The following ZNRF1 variants were observed in gnomAD, a reference collection of about 807,000 sequenced individuals.
ZNRF1 encodes E3 ubiquitin-protein ligase ZNRF1.
In ZNRF1, 3 loss-of-function variants were observed where a neutral mutation model predicts 18.4. The ratio of observed to expected loss-of-function variants is 0.16; its 90% CI spans 0.07 to 0.42. ZNRF1 has a LOEUF of 0.42. ZNRF1 is among the 10% of genes least tolerant of loss of function. The pLI, the probability that ZNRF1 is intolerant of heterozygous loss-of-function variation, is 0.99. For synonymous variants in ZNRF1, 157 were observed against 144.2 expected (o/e 1.09, Z -0.64); for missense variants, 310 against 329.8 (o/e 0.94, Z 0.47).
At chr16:75,083,048 T>C (rs942501686) in intron 1 of ZNRF1, among the ~76,000 whole-genome samples, 6 of 152,234 alleles carry the variant, frequency 3.9e-5, no homozygotes, top group African/African-American at 9.6e-5. Context: ...TGAAAAAAAT[T>C]GTTGGCAGCT....
intron 1 of ZNRF1, among the ~76,000 whole-genome samples, chr16:75,054,173 G>A (rs749432102): frequency 6.6e-6 from 1 of 152,238 alleles, no homozygotes; most frequent in Non-Finnish European, 1.5e-5. Flanking sequence ...TCATCCTGCT[G>A]TGTTTCAACA....
intron 1 of ZNRF1, among the ~76,000 whole-genome samples, chr16:75,022,259 A>T (rs1362997457): frequency 1.3e-5 from 2 of 151,156 alleles, no homozygotes; most frequent in African/African-American, 2.4e-5. Flanking sequence ...TGTCTCAAAA[A>T]TTTTTTTAAA....
intron 1 of ZNRF1, among the ~76,000 whole-genome samples, chr16:75,031,111 C>A (rs375409763): frequency 1.3e-5 from 2 of 151,228 alleles, no homozygotes; most frequent in East Asian, 1.9e-4. Context: ...GCTAGGATTA[C>A]AGGCGTGAGC....
chr16:75,039,156 A>G (rs901442399), intron 1 of ZNRF1, among the ~76,000 whole-genome samples: 8 of 152,236 alleles, frequency 5.3e-5, no homozygotes, highest in African/African-American at 1.9e-4. Context: ...TGTTAAAAAT[A>G]TAGAAAAAAT....
At chr16:75,056,279 G>A (rs560813331) in intron 1 of ZNRF1, among the ~76,000 whole-genome samples, 1 of 152,216 alleles carries the variant, frequency 6.6e-6, no homozygotes, top group South Asian at 2.1e-4. Flanking sequence ...CCTAGTGACT[G>A]TGTGTTCATT....
At chr16:75,078,185 T>G (rs1311678516) in intron 1 of ZNRF1, among the ~76,000 whole-genome samples, 1 of 152,120 alleles carries the variant, frequency 6.6e-6, no homozygotes, top group Non-Finnish European at 1.5e-5. Flanking sequence ...ACATAACTTG[T>G]GCGTGGAGAA....
intron 1 of ZNRF1, among the ~76,000 whole-genome samples, chr16:75,057,131 C>T (rs1182016791): frequency 6.6e-6 from 1 of 152,168 alleles, no homozygotes; most frequent in African/African-American, 2.4e-5. Context: ...GGGTTTCTCT[C>T]ATTCAGAATC....
At position 75,006,758 on chromosome 16, in the gene ZNRF1, G is replaced by T. The variant is rs112359306; in HGVS notation, c.424+6663G>T. Among the ~76,000 whole-genome samples the T allele has an allele frequency of 3.4e-3, 523 of 152,222 alleles. 3 individuals are homozygous for T. The highest frequency in any genetic ancestry group is 7.3e-3 in the South Asian group (35 of 4,820). ...GCCACCTCAGTCTTTTAGGATGATG[G>T]GTGAATATAAATTTCAGTCTGTTTC... On this transcript the variant is annotated intron_variant, in intron 1 of 4. Coordinates refer to ENST00000335325, the MANE Select transcript of ZNRF1 (RefSeq NM_032268.5).
chr16:75,067,208 G>T (rs996012579), intron 1 of ZNRF1, among the ~76,000 whole-genome samples: 4 of 152,156 alleles, frequency 2.6e-5, no homozygotes, highest in African/African-American at 9.7e-5. Flanking sequence ...TTGACTCAGG[G>T]CTCCCACAGC....
intron 1 of ZNRF1, among the ~76,000 whole-genome samples, chr16:75,033,848 G>A (rs1207201531): frequency 6.6e-6 from 1 of 152,094 alleles, no homozygotes; most frequent in South Asian, 2.1e-4. Flanking sequence ...AATACACTTA[G>A]CATAAAAATT....
intron 1 of ZNRF1, among the ~76,000 whole-genome samples, chr16:75,061,650 T>G (rs961346962): frequency 1.3e-5 from 2 of 152,238 alleles, no homozygotes; most frequent in Admixed American, 1.3e-4. Flanking sequence ...ACAGCTCTGA[T>G]ATTTTTGCCA....
chr16:75,043,815 G>GTTTT (rs2035481016), intron 1 of ZNRF1, among the ~76,000 whole-genome samples: 3 of 9,618 alleles, frequency 3.1e-4, no homozygotes, highest in African/African-American at 6.1e-4. Context: ...TTGAGACAGA[G>GTTTT]TTTTGTTCTT....
At chr16:75,105,620 G>C (rs2036306299) in intron 3 of ZNRF1, 1 of 152,472 alleles carries the variant, frequency 6.6e-6, no homozygotes, top group South Asian at 2.1e-4. Flanking sequence ...TGTGGCTGGT[G>C]CAGAGGAGGC....
intron 1 of ZNRF1, among the ~76,000 whole-genome samples, chr16:75,068,502 T>C (rs975424984): frequency 2.6e-5 from 4 of 152,204 alleles, no homozygotes; most frequent in Non-Finnish European, 4.4e-5. Flanking sequence ...GATCCATATC[T>C]ACTGCTCCTT....
Position 75,108,868 on chromosome 16 carries a change from G to A in ZNRF1, c.*1168G>A, listed in dbSNP as rs2036347464. ...GGTCCTCAGATAGTCAGGCCTGGGT[G>A]GAGGGAGTGGCAAGTCAGGCGTGCC... On this transcript the variant is annotated 3_prime_UTR_variant, in exon 5 of 5. Transcript: ENST00000335325. 2 of 289,498 alleles carry A rather than the reference G, an allele frequency of 6.9e-6. No homozygotes were observed. Among genetic ancestry groups the A allele is most frequent in the Non-Finnish European group, 1.3e-5 (2 of 159,526 alleles). The allele number at this position is 289,498 out of a possible 1,614,324, so 17.9% of individuals were successfully genotyped here.
chr16:75,099,700 G>A (rs1195860722), intron 2 of ZNRF1, among the ~76,000 whole-genome samples: 2 of 152,210 alleles, frequency 1.3e-5, no homozygotes, highest in African/African-American at 4.8e-5. Flanking sequence ...GGAGATACCA[G>A]GGGACATTTG....
Position 75,050,596 on chromosome 16 carries a change from C to T in ZNRF1, c.425-42976C>T, listed in dbSNP as rs1005662240. On this transcript the variant is annotated intron_variant, in intron 1 of 4. Transcript: ENST00000335325. ...TAAAAATACTTGTAGCCGCCGGGCA[C>T]GGTGGCTCACGCCTGTAATCCCAGC... Among the ~76,000 whole-genome samples the T allele has an allele frequency of 2.0e-5, 3 of 151,660 alleles. No individual in the cohort carries two copies. In the South Asian group the frequency reaches 6.2e-4, roughly 32 times the overall value.
chr16:74,999,778 A>G lies in ZNRF1; in HGVS notation c.107A>G (p.His36Arg), dbSNP rs1199542980. ...CCGGGAGGGGCGCCCCATTTCGGGCACTACCGGACGGGCGGCGGGGCCATG... is the reference window on the plus strand; with the variant it reads ...CCGGGAGGGGCGCCCCATTTCGGGCGCTACCGGACGGGCGGCGGGGCCATG... ...PPPGGAPHFG[H>R]YRTGGGAMGL... Residue 36 changes from histidine to arginine, a missense_variant, in exon 1 of 5, where the codon CAC becomes CGC. Transcript: ENST00000335325. 2 of 1,400,898 alleles carry G rather than the reference A, an allele frequency of 1.4e-6. No homozygotes were observed. Among genetic ancestry groups the G allele is most frequent in the African/African-American group, 1.5e-5 (1 of 65,406 alleles). 86.8% of individuals were successfully genotyped at this position (1,400,898 alleles called of 1,614,324 possible).
intron 1 of ZNRF1, among the ~76,000 whole-genome samples, chr16:75,069,443 T>G (rs1001554078): frequency 6.6e-6 from 1 of 152,190 alleles, no homozygotes; most frequent in Non-Finnish European, 1.5e-5. Context: ...AGACAGAGTC[T>G]TGCTCTATTG....
Sources: gnomAD v4.1 joint callset for allele counts (sites outside exome capture counted in the v4.1 genomes callset) on GRCh38, gnomAD v4.1.1 for gene constraint, MANE v1.5 for transcripts, NCBI Gene and HGNC (gene_info 2026-07-23, HGNC 2026-07-21) for gene names.